Variants in MALL observed in about 807,000 individuals in gnomAD.
MALL encodes the protein MAL-like protein.
A neutral mutation model predicts 10.3 loss-of-function variants in MALL; 2 were observed. The observed-to-expected ratio is 0.19, with a 90% CI of 0.08 to 0.61. The LOEUF is 0.61. MALL is among the 20% of genes least tolerant of loss of function. The pLI is 0.88. For missense variants in MALL, 39 were observed against 115.2 expected (o/e 0.34, Z 3.03); for synonymous variants, 27 against 51.8 (o/e 0.52, Z 2.05).
At chr2:110,113,979 AC>A (rs1301930869) in intron 1 of MALL, among the ~76,000 whole-genome samples, 2 of 151,654 alleles carry the variant, frequency 1.3e-5, no homozygotes, top group African/African-American at 2.4e-5. Context: ...TGAGCCCCTC[AC>A]CCCCCACAAC....
chr2:110,101,113 C>T (rs958038048), intron 1 of MALL, among the ~76,000 whole-genome samples: 1 of 152,074 alleles, frequency 6.6e-6, no homozygotes, highest in Admixed American at 6.5e-5. Flanking sequence ...GAGGCAGCTC[C>T]CACCCCCGTG....
intron 1 of MALL, among the ~76,000 whole-genome samples, chr2:110,112,202 G>A (rs1018432743): frequency 6.6e-6 from 1 of 152,142 alleles, no homozygotes; most frequent in African/African-American, 2.4e-5. Flanking sequence ...GAACCCAAGA[G>A]CAAATGCAAT....
At chr2:110,115,140 G>T (rs1382973771) in intron 1 of MALL, among the ~76,000 whole-genome samples, 1 of 152,164 alleles carries the variant, frequency 6.6e-6, no homozygotes, top group Non-Finnish European at 1.5e-5. Context: ...AAAAGTCAAA[G>T]TTCAAAGTCA....
At chr2:110,115,901 A>AC (rs1276882467), upstream of MALL, 1 of 441,850 alleles carries the variant, frequency 2.3e-6, no homozygotes, top group East Asian at 3.6e-5. Context: ...GGGAAAAAAA[A>AC]AAAAAACGTT....
chr2:110,113,271 T>C (rs909597231), intron 1 of MALL, among the ~76,000 whole-genome samples: 3 of 150,264 alleles, frequency 2.0e-5, no homozygotes, highest in African/African-American at 4.9e-5. Flanking sequence ...CCGTCTCTAC[T>C]AAAAATACAA....
intron 1 of MALL, chr2:110,097,614 G>A (rs1475553725): frequency 1.5e-5 from 7 of 451,724 alleles, no homozygotes; most frequent in Admixed American, 1.4e-4. Flanking sequence ...CCTGGGAACC[G>A]TGAAGGATAT....
chr2:110,099,066 C>A (rs1678507055), intron 1 of MALL, among the ~76,000 whole-genome samples: 1 of 152,080 alleles, frequency 6.6e-6, no homozygotes, highest in Admixed American at 6.5e-5. Flanking sequence ...AGTTGCCATG[C>A]AAAATGCCTC....
At chr2:110,096,720 C>T (rs1678448461) in intron 1 of MALL, among the ~76,000 whole-genome samples, 1 of 151,578 alleles carries the variant, frequency 6.6e-6, no homozygotes, top group African/African-American at 2.4e-5. Flanking sequence ...TACACACACA[C>T]ACACACACAC....
intron 1 of MALL, among the ~76,000 whole-genome samples, chr2:110,101,835 T>TA (rs1461305011): frequency 2.6e-5 from 4 of 151,074 alleles, no homozygotes; most frequent in Non-Finnish European, 4.4e-5. Context: ...TCTTGTCTCT[T>TA]AAAAAAAAAG....
chr2:110,115,544 CT>C (rs1173101300), intron 1 of MALL, 143 bp downstream of exon 1: 35 of 428,916 alleles, frequency 8.2e-5, no homozygotes, highest in African/African-American at 1.4e-4. Flanking sequence ...CTCCCCCCCC[CT>C]CTCTGCAGGT....
rs555648095 is a variant in MALL at position 110,105,162 on chromosome 2, G to A, written c.105+10526C>T. On this transcript the variant is annotated intron_variant, in intron 1 of 3. Transcript: ENST00000272462. ...CTGCCCAGGGTCTCACAGCAATGAA[G>A]AAGCAGAGCCAGACTTTAGGCCCCA... Among the ~76,000 whole-genome samples, 5 of 152,322 alleles carry A rather than the reference G, an allele frequency of 3.3e-5. No homozygotes were observed. In the East Asian group the frequency reaches 9.6e-4, roughly 29 times the overall value.
intron 1 of MALL, among the ~76,000 whole-genome samples, chr2:110,112,255 C>G (rs1678819565): frequency 6.6e-6 from 1 of 152,136 alleles, no homozygotes; most frequent in Non-Finnish European, 1.5e-5. Flanking sequence ...AACTACAGAG[C>G]TTTTGCACAG....
At chr2:110,095,926 A>C (rs1678431225) in intron 1 of MALL, among the ~76,000 whole-genome samples, 1 of 152,206 alleles carries the variant, frequency 6.6e-6, no homozygotes, top group Non-Finnish European at 1.5e-5. Flanking sequence ...GATGGATTGG[A>C]ATGCATCAAC....
intron 1 of MALL, among the ~76,000 whole-genome samples, chr2:110,112,687 G>A (rs2104395405): frequency 6.6e-6 from 1 of 152,046 alleles, no homozygotes; most frequent in East Asian, 1.9e-4. Flanking sequence ...TTTCCTTAAA[G>A]AACTAAAAGT....
upstream of MALL, among the ~76,000 whole-genome samples, chr2:110,117,878 C>T (rs1678955346): frequency 6.6e-6 from 1 of 152,054 alleles, no homozygotes; most frequent in Admixed American, 6.5e-5. Context: ...CTGTTTGGGG[C>T]TCTCTTTCCC....
intron 1 of MALL, among the ~76,000 whole-genome samples, chr2:110,100,004 C>T (rs1678528832): frequency 6.6e-6 from 1 of 152,048 alleles, no homozygotes. Context: ...TACCCCTCAC[C>T]CTCTCTTCAA....
At chr2:110,095,005 A>G (rs900282979) in intron 1 of MALL, among the ~76,000 whole-genome samples, 80 of 135,042 alleles carry the variant, frequency 5.9e-4, no homozygotes, top group African/African-American at 2.1e-3. Flanking sequence ...GTGTTGCAGA[A>G]TCAATGTTCT....
chr2:110,103,822 G>T (rs1321494381), intron 1 of MALL, among the ~76,000 whole-genome samples: 1 of 152,182 alleles, frequency 6.6e-6, no homozygotes, highest in Non-Finnish European at 1.5e-5. Flanking sequence ...CTGCTGGACG[G>T]CCAGGGAAAG....
At chr2:110,106,817 G>A (rs760206504) in intron 1 of MALL, among the ~76,000 whole-genome samples, 3 of 152,128 alleles carry the variant, frequency 2.0e-5, no homozygotes, top group Admixed American at 6.5e-5. Context: ...CAGGCAAACT[G>A]TTTCTCAATA....
Sources: allele counts gnomAD v4.1 joint callset (sites outside exome capture counted in the v4.1 genomes callset), GRCh38; gene constraint gnomAD v4.1.1; transcripts MANE v1.5; gene names NCBI Gene and HGNC (gene_info 2026-07-23, HGNC 2026-07-21).